ANO2: variants seen among roughly 807,000 people sequenced by gnomAD.
ANO2 encodes the protein anoctamin-2.
ANO2 carries 101 observed loss-of-function variants against 124.2 expected under a neutral mutation model. That is an observed-to-expected ratio of 0.81 (90% confidence interval 0.69 to 0.96). The LOEUF is 0.96. ANO2 is among the 40% of genes least tolerant of loss of function. The pLI, the probability that ANO2 is intolerant of heterozygous loss-of-function variation, is 0.00. For synonymous variants in ANO2, 486 were observed against 482.5 expected (o/e 1.01, Z -0.09); for missense variants, 1,293 against 1,274.5 (o/e 1.01, Z -0.22).
intron 7 of ANO2, among the ~76,000 whole-genome samples, chr12:5,818,447 T>TTATATATATATATATATATATA (rs57443240): frequency 1.2e-5 from 1 of 82,938 alleles, no homozygotes; most frequent in Non-Finnish European, 2.5e-5. Flanking sequence ...TAAACTCATA[T>TTATATATATATATATATATATA]TATATATATA....
At chr12:5,695,046 T>C (rs1949111845) in intron 14 of ANO2, among the ~76,000 whole-genome samples, 1 of 152,194 alleles carries the variant, frequency 6.6e-6, no homozygotes, top group Non-Finnish European at 1.5e-5. Context: ...TGCTGAATAG[T>C]TCCTCAAGCC....
intron 14 of ANO2, among the ~76,000 whole-genome samples, chr12:5,726,656 T>G (rs1418452969): frequency 6.6e-6 from 1 of 152,240 alleles, no homozygotes; most frequent in Non-Finnish European, 1.5e-5. Context: ...TGTAAAGCTT[T>G]GCACATTACA....
chr12:5,816,481 T>C (rs1033500720), intron 7 of ANO2, among the ~76,000 whole-genome samples: 2 of 152,078 alleles, frequency 1.3e-5, no homozygotes, highest in Non-Finnish European at 2.9e-5. Context: ...GTTACAAAGC[T>C]AGTAAGTCCT....
At chr12:5,666,495 A>C (rs1297028441) in intron 14 of ANO2, among the ~76,000 whole-genome samples, 1 of 152,228 alleles carries the variant, frequency 6.6e-6, no homozygotes, top group East Asian at 1.9e-4. Flanking sequence ...AGCACTCATG[A>C]AATGCACAGC....
intron 1 of ANO2, among the ~76,000 whole-genome samples, chr12:5,943,961 G>A (rs1372028534): frequency 6.6e-6 from 1 of 152,198 alleles, no homozygotes; most frequent in Non-Finnish European, 1.5e-5. Context: ...TGAGGTGTGT[G>A]TTTGGATCCC....
intron 14 of ANO2, among the ~76,000 whole-genome samples, chr12:5,712,423 G>A (rs1591970052): frequency 6.6e-6 from 1 of 152,194 alleles, no homozygotes; most frequent in Non-Finnish European, 1.5e-5. Context: ...AGATACAGGA[G>A]AGAGCCATGT....
intron 7 of ANO2, among the ~76,000 whole-genome samples, chr12:5,812,667 A>G (rs1953455435): frequency 6.8e-6 from 1 of 147,846 alleles, no homozygotes; most frequent in African/African-American, 2.5e-5. Context: ...GAAGAGAGGG[A>G]GGGAAGGCAG....
intron 7 of ANO2, among the ~76,000 whole-genome samples, chr12:5,815,477 A>G (rs1953577040): frequency 6.6e-6 from 1 of 152,198 alleles, no homozygotes; most frequent in African/African-American, 2.4e-5. Flanking sequence ...ATATGTAGAC[A>G]TGTTCTACAT....
intron 3 of ANO2, among the ~76,000 whole-genome samples, chr12:5,856,833 C>G (rs949539040): frequency 1.3e-5 from 2 of 152,326 alleles, no homozygotes; most frequent in African/African-American, 4.8e-5. Flanking sequence ...GCAGCCTAAT[C>G]TTACACTAAC....
chr12:5,629,088 TTGAC>T (rs1432195532), intron 16 of ANO2, among the ~76,000 whole-genome samples: 1 of 152,190 alleles, frequency 6.6e-6, no homozygotes, highest in Non-Finnish European at 1.5e-5. Flanking sequence ...AAACCTTGAC[TTGAC>T]TAATACTCTT....
At chr12:5,660,219 G>C (rs440737) in intron 14 of ANO2, among the ~76,000 whole-genome samples, 60,878 of 151,100 alleles carry the variant, frequency 0.4, 13,654 homozygotes, top group African/African-American at 0.58. Context: ...AGCATCCTGA[G>C]ATATGAATCC....
At position 5,862,723 on chromosome 12, in the gene ANO2, A is replaced by G. The variant is rs1230433409; in HGVS notation, c.535-8582T>C. Among the ~76,000 whole-genome samples, 1 of 152,202 alleles carries G rather than the reference A, an allele frequency of 6.6e-6. No individual in the cohort carries two copies. The highest frequency in any genetic ancestry group is 1.5e-5 in the Non-Finnish European group (1 of 68,014). On this transcript the variant is annotated intron_variant, in intron 3 of 24. Coordinates refer to ENST00000682330, the MANE Select transcript of ANO2 (RefSeq NM_001364791.2). This position sits in a 1 kb window ranked among gnomAD's most constrained non-coding sequence, Gnocchi z 4.0. ...CTGAATCATGGGGGCGGTTTCCCCC[A>G]TACTGTTCTCGTGGTAGTGAATAAG...
intron 11 of ANO2, among the ~76,000 whole-genome samples, chr12:5,745,476 A>G (rs1386962520): frequency 6.6e-6 from 1 of 152,220 alleles, no homozygotes; most frequent in Non-Finnish European, 1.5e-5. Flanking sequence ...AGCATGGCTC[A>G]CAAGTGGGAG....
intron 14 of ANO2, among the ~76,000 whole-genome samples, chr12:5,691,505 G>A (rs938797936): frequency 6.6e-6 from 1 of 152,112 alleles, no homozygotes; most frequent in African/African-American, 2.4e-5. Context: ...AGAGTGAGGA[G>A]CAGGTAGCCA....
At chr12:5,685,728 G>C (rs138195242) in intron 14 of ANO2, among the ~76,000 whole-genome samples, 147 of 152,288 alleles carry the variant, frequency 9.7e-4, no homozygotes, top group African/African-American at 3.5e-3. Context: ...AATGAGCTGT[G>C]ATCATGCCAC....
intron 3 of ANO2, among the ~76,000 whole-genome samples, chr12:5,888,089 T>C (rs567821989): frequency 4.6e-5 from 7 of 152,096 alleles, no homozygotes; most frequent in Non-Finnish European, 8.8e-5. Flanking sequence ...AGGCGGGGTG[T>C]CCGGAGTCTG....
chr12:5,675,932 T>C (rs1948222059), intron 14 of ANO2, among the ~76,000 whole-genome samples: 1 of 152,208 alleles, frequency 6.6e-6, no homozygotes, highest in South Asian at 2.1e-4. Context: ...GGTCCCACCC[T>C]AGCCTCCTCC....
intron 3 of ANO2, among the ~76,000 whole-genome samples, chr12:5,907,837 T>A (rs567918738): frequency 6.6e-6 from 1 of 152,334 alleles, no homozygotes; most frequent in East Asian, 1.9e-4. Flanking sequence ...TCACTCTCCA[T>A]ACCCTAAGTT....
At chr12:5,785,981 T>C (rs1298935905) in intron 10 of ANO2, among the ~76,000 whole-genome samples, 2 of 143,132 alleles carry the variant, frequency 1.4e-5, no homozygotes, top group Non-Finnish European at 3.0e-5. Context: ...CCAGATGTGA[T>C]CAAAGCCAGA....
Sources: allele counts gnomAD v4.1 joint callset (sites outside exome capture counted in the v4.1 genomes callset), GRCh38; gene constraint gnomAD v4.1.1; non-coding constraint Gnocchi (gnomAD v3.1); transcripts MANE v1.5; gene names NCBI Gene and HGNC (gene_info 2026-07-23, HGNC 2026-07-21).